ABTB2: variants seen among roughly 807,000 people sequenced by gnomAD.
ABTB2 encodes the protein ankyrin repeat and BTB domain containing 2, also known as ankyrin repeat and BTB/POZ domain-containing protein 2.
ABTB2 carries 56 observed loss-of-function variants against 104.1 expected under a neutral mutation model. That is an observed-to-expected ratio of 0.54 (90% CI 0.43 to 0.67). The LOEUF (loss-of-function observed/expected upper bound fraction) is 0.67. Ranked by LOEUF, ABTB2 falls within the 30% of genes least tolerant of loss-of-function variation. ABTB2 has a pLI of 0.00. For synonymous variants in ABTB2, 606 were observed against 608.2 expected, an observed-to-expected ratio of 1.00 and a Z score of 0.05; for missense variants, 1,279 against 1,407.7, an observed-to-expected ratio of 0.91 and a Z score of 1.46.
intron 3 of ABTB2, among the ~76,000 whole-genome samples, chr11:34,193,694 A>G (rs558958789): frequency 6.6e-6 from 1 of 152,230 alleles, no homozygotes; most frequent in African/African-American, 2.4e-5. Flanking sequence ...ACTTTGTCCT[A>G]CCGGATAGAA....
chr11:34,305,644 A>G (rs1313967107), intron 1 of ABTB2, among the ~76,000 whole-genome samples: 1 of 152,240 alleles, frequency 6.6e-6, no homozygotes, highest in African/African-American at 2.4e-5. Flanking sequence ...TTCCACCTTC[A>G]GAGAGACAGG....
rs551261419 is a variant in ABTB2, at chr11:34,353,394, T to C, written c.883+3307A>G. On this transcript the variant is annotated intron_variant, in intron 1 of 16. Transcript: ENST00000435224. ...GAGGGAGAGAGAGGAGAGAGGAGAG[T>C]AGGGAGGGATATGAGTGGATGCGAA... 1.4e-3 allele frequency among the ~76,000 whole-genome samples: 213 copies of C among 150,234 alleles called. 2 individuals are homozygous for C. Among genetic ancestry groups the C allele is most frequent in the African/African-American group, 4.9e-3 (201 of 40,802 alleles).
Position 34,154,827 on chromosome 11 carries a change from G to A in ABTB2, c.2698-58C>T, listed in dbSNP as rs1852599178. 2 of 1,581,942 alleles carry A rather than the reference G, an allele frequency of 1.3e-6. No homozygotes were observed. The highest frequency in any genetic ancestry group is 1.3e-5 in the African/African-American group (1 of 74,448). ...GTGAACCTGAGGCATGAAAGTCCTTGCCAGCCCCACAGGGTACTGCTCCAG... is the reference window on the plus strand; with the variant it reads ...GTGAACCTGAGGCATGAAAGTCCTTACCAGCCCCACAGGGTACTGCTCCAG... On this transcript the variant is annotated intron_variant, in intron 14 of 16. Transcript: ENST00000435224. The surrounding 1 kb of genome is among the most constrained non-coding windows in gnomAD (Gnocchi z 4.9).
At chr11:34,317,761 C>CAAAAAA (rs772418965) in intron 1 of ABTB2, among the ~76,000 whole-genome samples, 38 of 125,624 alleles carry the variant, frequency 3.0e-4, no homozygotes, top group African/African-American at 9.0e-4. Flanking sequence ...AATCCTGTCT[C>CAAAAAA]AAAAAAAAAA....
At chr11:34,282,499 T>C (rs546440356) in intron 1 of ABTB2, among the ~76,000 whole-genome samples, 5 of 152,236 alleles carry the variant, frequency 3.3e-5, no homozygotes, top group Admixed American at 6.5e-5. Context: ...GTGAGATAGA[T>C]TGATGTAACG....
intron 1 of ABTB2, among the ~76,000 whole-genome samples, chr11:34,349,025 G>T (rs768344066): frequency 6.6e-6 from 1 of 152,146 alleles, no homozygotes. Flanking sequence ...GGAGTACTTG[G>T]GCTGTGTTCC....
chr11:34,217,920 T>C (rs1853568072), intron 1 of ABTB2, among the ~76,000 whole-genome samples: 1 of 152,254 alleles, frequency 6.6e-6, no homozygotes, highest in Non-Finnish European at 1.5e-5. Flanking sequence ...GAGTTCCTGT[T>C]GTTCCACATC....
intron 1 of ABTB2, among the ~76,000 whole-genome samples, chr11:34,232,207 G>C (rs1853777775): frequency 6.6e-6 from 1 of 152,104 alleles, no homozygotes; most frequent in Non-Finnish European, 1.5e-5. Flanking sequence ...CCAGCACTTG[G>C]GGAGGCCTAG....
intron 1 of ABTB2, among the ~76,000 whole-genome samples, chr11:34,302,441 T>C (rs1453035456): frequency 6.6e-6 from 1 of 152,224 alleles, no homozygotes; most frequent in African/African-American, 2.4e-5. Context: ...AGGAATACTC[T>C]ACTTGGGAAA....
At chr11:34,218,183 G>A (rs11032561) in intron 1 of ABTB2, among the ~76,000 whole-genome samples, 13,801 of 152,234 alleles carry the variant, frequency 0.091, 840 homozygotes, top group East Asian at 0.24. Flanking sequence ...TATTATTTTA[G>A]GTAGCAATCC....
intron 1 of ABTB2, among the ~76,000 whole-genome samples, chr11:34,283,459 G>A (rs888376719): frequency 3.9e-5 from 6 of 152,252 alleles, no homozygotes; most frequent in East Asian, 1.9e-4. Flanking sequence ...CAAGTGATCC[G>A]CCTACCTTGG....
chr11:34,237,071 C>T (rs1318445967), intron 1 of ABTB2, among the ~76,000 whole-genome samples: 1 of 152,136 alleles, frequency 6.6e-6, no homozygotes, highest in African/African-American at 2.4e-5. Context: ...ATATGTACCT[C>T]TGGATCATCT....
intron 1 of ABTB2, among the ~76,000 whole-genome samples, chr11:34,243,050 G>T (rs1260043119): frequency 6.6e-6 from 1 of 152,158 alleles, no homozygotes; most frequent in Non-Finnish European, 1.5e-5. Flanking sequence ...CTGGGAGCCT[G>T]ATAAGGAGGC....
intron 1 of ABTB2, among the ~76,000 whole-genome samples, chr11:34,244,681 C>T (rs1853963676): frequency 6.6e-6 from 1 of 152,178 alleles, no homozygotes; most frequent in Non-Finnish European, 1.5e-5. Flanking sequence ...GGGCACTTTG[C>T]TTAACTGCTT....
intron 9 of ABTB2, among the ~76,000 whole-genome samples, chr11:34,163,844 G>A (rs1171281447): frequency 2.6e-5 from 4 of 152,224 alleles, no homozygotes; most frequent in African/African-American, 9.6e-5. Context: ...AGGCAGATGA[G>A]CAGGCAGGCA....
intron 2 of ABTB2, among the ~76,000 whole-genome samples, chr11:34,200,148 T>C (rs910164091): frequency 6.6e-6 from 1 of 152,244 alleles, no homozygotes. Flanking sequence ...CAGGTCTAAA[T>C]GTCATAACTT....
intron 1 of ABTB2, among the ~76,000 whole-genome samples, chr11:34,311,485 C>G (rs530546509): frequency 7.1e-4 from 108 of 152,294 alleles, no homozygotes; most frequent in African/African-American, 2.6e-3. Context: ...GTGCTTCAAA[C>G]AAGTCCCTCG....
Position 34,356,749 on chromosome 11 carries a change from C to T in ABTB2, c.835G>A (p.Gly279Ser). 6.2e-7 allele frequency: 1 copy of T among 1,611,446 alleles called. No homozygotes were observed. The highest frequency in any genetic ancestry group is 8.5e-7 in the Non-Finnish European group (1 of 1,178,672). The change falls in exon 1 of 17, where the codon GGC becomes AGC. Residue 279 changes from glycine to serine, a missense_variant. By Grantham distance (56) the Gly-to-Ser change is moderately conservative (BLOSUM62 0). Coordinates refer to ENST00000435224, the MANE Select transcript of ABTB2 (RefSeq NM_145804.3). This position sits in a 1 kb window ranked among gnomAD's most constrained non-coding sequence, Gnocchi z 4.6. ...MVINNDAELW[G>S]VLQPYEHLIC... ...AGATGCTCATAGGGCTGCAAGACGC[C>T]CCAGAGCTCGGCGTCGTTGTTGATG...
intron 1 of ABTB2, among the ~76,000 whole-genome samples, chr11:34,259,415 G>A (rs1034511924): frequency 6.6e-6 from 1 of 152,210 alleles, no homozygotes; most frequent in African/African-American, 2.4e-5. Context: ...TTGGGGAATA[G>A]GTAAGAACCA....
Sources: allele counts gnomAD v4.1 joint callset (sites outside exome capture counted in the v4.1 genomes callset), GRCh38; gene constraint gnomAD v4.1.1; non-coding constraint Gnocchi (gnomAD v3.1); transcripts MANE v1.5; gene names NCBI Gene and HGNC (gene_info 2026-07-23, HGNC 2026-07-21).